The following TBCE variants were observed in gnomAD, a reference collection of about 807,000 sequenced individuals.
TBCE encodes tubulin-specific chaperone E.
A neutral mutation model predicts 77.0 loss-of-function variants in TBCE; 53 were observed. That is an observed-to-expected ratio of 0.69 (90% CI 0.55 to 0.87). TBCE has a LOEUF of 0.87. Among genes scored for constraint, TBCE ranks in the 40% least tolerant of loss-of-function variants. The pLI is 0.00. For synonymous variants in TBCE, 235 were observed against 241.3 expected (o/e 0.97, Z 0.24); for missense variants, 624 against 622.4 (o/e 1.00, Z -0.03).
chr1:235,374,920 CTTTTTT>C (rs1241323977), intron 1 of TBCE, among the ~76,000 whole-genome samples: 1 of 111,988 alleles, frequency 8.9e-6, no homozygotes, highest in East Asian at 2.3e-4. Flanking sequence ...CTTTTTTTTT[CTTTTTT>C]TTTTTTTTTT....
In TBCE at chr1:235,451,803, A is replaced by G. The variant is rs1016764972; in HGVS notation, c.*3041A>G. The G allele has an allele frequency of 2.0e-5, 3 of 152,230 alleles. No individual in the cohort carries two copies. The highest frequency in any genetic ancestry group is 2.9e-5 in the Non-Finnish European group (2 of 68,044). The allele number at this position is 152,230 out of a possible 1,614,324, so 9.4% of individuals were successfully genotyped here. On this transcript the variant is annotated 3_prime_UTR_variant, in exon 17 of 17. Transcript: ENST00000642610. ...CAAAGTGGAAGCTGCAAGAATCCAG[A>G]ACAGAAATCTCTGAAGCTAAAGCCA... is the stretch of plus-strand genomic sequence containing the variant.
At chr1:235,418,202 G>A (rs1249134675) in intron 4 of TBCE, among the ~76,000 whole-genome samples, 2 of 152,150 alleles carry the variant, frequency 1.3e-5, no homozygotes, top group Non-Finnish European at 2.9e-5. Context: ...ATATTGCATT[G>A]TATATGTGTG....
At chr1:235,436,660 A>G (rs1681468794) in intron 11 of TBCE, 52 bp downstream of exon 11, 1 of 1,512,594 alleles carries the variant, frequency 6.6e-7, no homozygotes, top group Non-Finnish European at 9.2e-7. Context: ...TTCCACTCTC[A>G]TGGCAGAGTT....
chr1:235,429,633 T>C (rs922672001), intron 6 of TBCE: 2 of 152,202 alleles, frequency 1.3e-5, no homozygotes, highest in South Asian at 4.1e-4. Flanking sequence ...CCTATTTTAC[T>C]AATGTCACAC....
intron 7 of TBCE, 118 bp downstream of exon 7, chr1:235,430,922 T>A: frequency 1.2e-6 from 1 of 834,376 alleles, no homozygotes; most frequent in African/African-American, 1.7e-5. Flanking sequence ...ATCATCCCAG[T>A]ATCTATTAAT....
At chr1:235,414,355 A>G in intron 3 of TBCE, 78 bp from the exon 4 acceptor site, 2 of 1,454,082 alleles carry the variant, frequency 1.4e-6, no homozygotes, top group South Asian at 2.3e-5. Context: ...GAAATTTTTG[A>G]AGACCTTCAG....
chr1:235,410,394 G>A (rs1317778486), intron 3 of TBCE, among the ~76,000 whole-genome samples: 2 of 152,156 alleles, frequency 1.3e-5, no homozygotes, highest in Non-Finnish European at 2.9e-5. Flanking sequence ...TTAAGACCAT[G>A]TAGGGTAATT....
intron 2 of TBCE, among the ~76,000 whole-genome samples, chr1:235,388,237 T>C (rs1678144014): frequency 6.6e-6 from 1 of 152,014 alleles, no homozygotes; most frequent in African/African-American, 2.4e-5. Flanking sequence ...AGAGCTGGGA[T>C]TTGAATCTAT....
intron 2 of TBCE, among the ~76,000 whole-genome samples, chr1:235,396,535 G>A (rs1678731864): frequency 1.3e-5 from 2 of 152,162 alleles, no homozygotes; most frequent in Admixed American, 1.3e-4. Context: ...ACATATGGCA[G>A]TTCTATTTTT....
chr1:235,440,013 C>T (rs547849737), intron 13 of TBCE, among the ~76,000 whole-genome samples: 1 of 152,220 alleles, frequency 6.6e-6, no homozygotes, highest in East Asian at 1.9e-4. Context: ...CTCTGTCGCC[C>T]AGGCTGGAGT....
At chr1:235,403,610 A>G (rs1173305519) in intron 3 of TBCE, among the ~76,000 whole-genome samples, 1 of 152,194 alleles carries the variant, frequency 6.6e-6, no homozygotes, top group Non-Finnish European at 1.5e-5. Context: ...CTCTGGATAC[A>G]GTGATATTTT....
At position 235,419,567 on chromosome 1, in the gene TBCE, C is replaced by G; in HGVS notation, c.460+6C>G. ...AGTTGCTGAAGCATGTCCTAGTATC[C>G]TTTTCACCGAGAGCTTGTTATTGGA... On this transcript the variant is annotated splice_donor_region_variant and intron_variant, in intron 5 of 16. Coordinates refer to ENST00000642610, the MANE Select transcript of TBCE (RefSeq NM_003193.5). 6.2e-7 allele frequency: 1 copy of G among 1,613,940 alleles called. No individual in the cohort carries two copies. The highest frequency in any genetic ancestry group is 8.5e-7 in the Non-Finnish European group (1 of 1,179,978).
chr1:235,386,762 G>T lies in TBCE; in HGVS notation c.100+6613G>T, dbSNP rs549757805. Among the ~76,000 whole-genome samples the T allele has an allele frequency of 1.1e-3, 173 of 152,238 alleles. 2 individuals carry two copies. Among genetic ancestry groups the T allele is most frequent in the African/African-American group, 3.9e-3 (160 of 41,548 alleles). ...GGTTTGAATTTCCTCCTGTAGCTCG[G>T]AGTAGTTTGATCGTCTGAAGCCTTC... On this transcript the variant is annotated intron_variant, in intron 2 of 16. Transcript: ENST00000642610.
intron 4 of TBCE, 180 bp from the exon 5 acceptor site, chr1:235,419,284 CATTTGTAAT>C (rs1201508722): frequency 2.5e-6 from 2 of 802,216 alleles, no homozygotes; most frequent in East Asian, 5.4e-5. Context: ...ACTTCAGTTG[CATTTGTAAT>C]ATTTGTAGTG....
intron 2 of TBCE, among the ~76,000 whole-genome samples, chr1:235,392,659 C>T (rs190892926): frequency 1.3e-5 from 2 of 151,738 alleles, no homozygotes; most frequent in South Asian, 4.2e-4. Flanking sequence ...GATCCGCCCA[C>T]CTCAGCCTCC....
At chr1:235,413,045 C>T (rs868296339) in intron 3 of TBCE, among the ~76,000 whole-genome samples, 8 of 152,000 alleles carry the variant, frequency 5.3e-5, no homozygotes, top group Admixed American at 1.3e-4. Flanking sequence ...TTAGGTGATC[C>T]GCCCTTTTCA....
At position 235,374,760 on chromosome 1, in the gene TBCE, C is replaced by T. The variant is rs548575974; in HGVS notation, c.-31-5259C>T. Among the ~76,000 whole-genome samples, 112 of 144,996 alleles carry T rather than the reference C, an allele frequency of 7.7e-4. 10 individuals are homozygous for T. The South Asian group carries it at 0.021, about 27-fold the overall frequency. On this transcript the variant is annotated intron_variant, in intron 1 of 16. Coordinates refer to ENST00000642610, the MANE Select transcript of TBCE (RefSeq NM_003193.5). ...AGGTGAGTCACCCACCTTGTCCTCCCGAAGTGCTGGGATTACAGGTGTGAG... is the reference window on the plus strand; with the variant it reads ...AGGTGAGTCACCCACCTTGTCCTCCTGAAGTGCTGGGATTACAGGTGTGAG...
intron 9 of TBCE, 92 bp downstream of exon 9, chr1:235,435,932 C>A: frequency 9.0e-7 from 1 of 1,107,606 alleles, no homozygotes; most frequent in Non-Finnish European, 1.4e-6. Context: ...TCAATAGAAA[C>A]GTGGTAACAA....
intron 2 of TBCE, among the ~76,000 whole-genome samples, chr1:235,381,527 C>T (rs1196296866): frequency 1.3e-5 from 2 of 151,292 alleles, no homozygotes; most frequent in East Asian, 2.0e-4. Context: ...CAGTAAAAAT[C>T]CAAAAAATTA....
Sources: allele counts gnomAD v4.1 joint callset (sites outside exome capture counted in the v4.1 genomes callset), GRCh38; gene constraint gnomAD v4.1.1; transcripts MANE v1.5; gene names NCBI Gene and HGNC (gene_info 2026-07-23, HGNC 2026-07-21).